RPS6KC1: variants seen among roughly 807,000 people sequenced by gnomAD.
RPS6KC1 encodes the protein inactive ribosomal protein S6 kinase delta-1.
A neutral mutation model predicts 103.8 loss-of-function variants in RPS6KC1; 54 were observed. That is an observed-to-expected ratio of 0.52 (90% CI 0.42 to 0.65). The LOEUF (loss-of-function observed/expected upper bound fraction) is 0.65. Ranked by LOEUF, RPS6KC1 falls within the 30% of genes least tolerant of loss-of-function variation. The pLI, the probability that RPS6KC1 is intolerant of heterozygous loss-of-function variation, is 0.00. For synonymous variants in RPS6KC1, 439 were observed against 438.7 expected (o/e 1.00, Z -0.01); for missense variants, 1,151 against 1,253.8 (o/e 0.92, Z 1.24).
At chr1:213,665,354 G>A in the RPS6KC1 span, among the ~76,000 whole-genome samples, 29 of 151,384 alleles carry the variant, frequency 1.9e-4, no homozygotes, top group African/African-American at 6.6e-4. Context: ...CAATAGAAAG[G>A]TAGACAACAG....
At chr1:213,271,336 T>C (rs1223847284) in intron 14 of RPS6KC1, among the ~76,000 whole-genome samples, 1 of 152,150 alleles carries the variant, frequency 6.6e-6, no homozygotes, top group East Asian at 1.9e-4. Context: ...CTACATATTT[T>C]ATTATTTTAC....
chr1:213,557,744 G>A, the RPS6KC1 span, among the ~76,000 whole-genome samples: 1 of 152,114 alleles, frequency 6.6e-6, no homozygotes, highest in Non-Finnish European at 1.5e-5. Context: ...TATTGTTGAG[G>A]ATTTTCTTTT....
intron 6 of RPS6KC1, among the ~76,000 whole-genome samples, chr1:213,163,396 TG>T (rs1247397426): frequency 6.6e-6 from 1 of 152,208 alleles, no homozygotes; most frequent in Non-Finnish European, 1.5e-5. Context: ...GAGTCTTATG[TG>T]GGGATTAACT....
chr1:213,120,868 T>G (rs1405553026), intron 5 of RPS6KC1, among the ~76,000 whole-genome samples: 5 of 152,182 alleles, frequency 3.3e-5, no homozygotes, highest in Non-Finnish European at 7.4e-5. Flanking sequence ...GTGATCATTA[T>G]TTTTGTTAAT....
the RPS6KC1 span, among the ~76,000 whole-genome samples, chr1:213,685,450 G>C: frequency 6.6e-6 from 1 of 152,094 alleles, no homozygotes; most frequent in Non-Finnish European, 1.5e-5. Context: ...AGCCAACATG[G>C]TGAAAACCCC....
chr1:213,663,901 C>A, the RPS6KC1 span, among the ~76,000 whole-genome samples: 1 of 152,164 alleles, frequency 6.6e-6, no homozygotes, highest in Admixed American at 6.5e-5. Flanking sequence ...GACAGGCAAT[C>A]CCCAGGACCC....
chr1:213,218,613 TCAAACTATACTA>T (rs1273336467), intron 8 of RPS6KC1, among the ~76,000 whole-genome samples: 130 of 152,246 alleles, frequency 8.5e-4, no homozygotes, highest in African/African-American at 3.0e-3. Context: ...CTACCTGACT[TCAAACTATACTA>T]CAAGGCTACA....
chr1:213,643,752 G>A, the RPS6KC1 span, among the ~76,000 whole-genome samples: 1 of 151,970 alleles, frequency 6.6e-6, no homozygotes, highest in South Asian at 2.1e-4. Flanking sequence ...TTACCAGTAA[G>A]TATGATGCTT....
chr1:213,493,028 G>C, the RPS6KC1 span, among the ~76,000 whole-genome samples: 1 of 152,214 alleles, frequency 6.6e-6, no homozygotes, highest in African/African-American at 2.4e-5. Flanking sequence ...TGGTGATGGT[G>C]CTTGTGATGT....
At chr1:213,851,732 C>G in the RPS6KC1 span, among the ~76,000 whole-genome samples, 3 of 152,148 alleles carry the variant, frequency 2.0e-5, 1 homozygote, top group Admixed American at 2.0e-4. Context: ...TCAGAGTCGT[C>G]CCTCCCCCAC....
the RPS6KC1 span, among the ~76,000 whole-genome samples, chr1:213,800,612 T>C: frequency 6.6e-6 from 1 of 152,216 alleles, no homozygotes; most frequent in Admixed American, 6.5e-5. Flanking sequence ...CCTGGCCACC[T>C]GTAAGTAAAG....
chr1:213,301,847 T>C, the RPS6KC1 span, among the ~76,000 whole-genome samples: 4 of 152,030 alleles, frequency 2.6e-5, no homozygotes, highest in Admixed American at 6.6e-5. Context: ...GCGATTCTCA[T>C]GCCTCAGTTT....
chr1:213,137,327 TTATTTA>T (rs1261965081), intron 6 of RPS6KC1, among the ~76,000 whole-genome samples: 1 of 151,494 alleles, frequency 6.6e-6, no homozygotes, highest in Non-Finnish European at 1.5e-5. Context: ...TTTTTAAATT[TTATTTA>T]TATTTATATA....
At chr1:213,289,422 C>T in the RPS6KC1 span, among the ~76,000 whole-genome samples, 2 of 151,968 alleles carry the variant, frequency 1.3e-5, no homozygotes, top group African/African-American at 4.8e-5. Context: ...AATCCCAACA[C>T]AACAGCGTGG....
the RPS6KC1 span, among the ~76,000 whole-genome samples, chr1:213,745,185 C>A: frequency 2.6e-5 from 4 of 151,568 alleles, no homozygotes; most frequent in African/African-American, 9.7e-5. Flanking sequence ...GTTGAAGGAA[C>A]TGATTTTATT....
At chr1:213,738,001 G>A in the RPS6KC1 span, among the ~76,000 whole-genome samples, 1 of 152,170 alleles carries the variant, frequency 6.6e-6, no homozygotes, top group Non-Finnish European at 1.5e-5. Context: ...TGAATATAAT[G>A]TCTCCAAGGT....
intron 3 of RPS6KC1, among the ~76,000 whole-genome samples, chr1:213,102,947 A>G (rs976956134): frequency 6.6e-6 from 1 of 152,088 alleles, no homozygotes; most frequent in Non-Finnish European, 1.5e-5. Flanking sequence ...CATGCCTGCA[A>G]TACAATCCCA....
intron 9 of RPS6KC1, among the ~76,000 whole-genome samples, chr1:213,230,778 T>C (rs2094080290): frequency 7.2e-6 from 1 of 139,196 alleles, no homozygotes. Flanking sequence ...GAGATTGCAG[T>C]GAACCAAGAT....
the RPS6KC1 span, among the ~76,000 whole-genome samples, chr1:213,488,867 T>C: frequency 1.1e-4 from 17 of 152,182 alleles, no homozygotes; most frequent in Non-Finnish European, 2.2e-4. Context: ...TCCAAATAAA[T>C]TGGTAAGCAA....
Sources: allele counts gnomAD v4.1 joint callset (sites outside exome capture counted in the v4.1 genomes callset), GRCh38; gene constraint gnomAD v4.1.1; transcripts MANE v1.5; gene names NCBI Gene and HGNC (gene_info 2026-07-23, HGNC 2026-07-21).